The following ZNF317 variants were observed in gnomAD, a reference collection of about 807,000 sequenced individuals.
ZNF317 encodes zinc finger protein 317, also known as KRAB-containing zinc finger protein 317.
A neutral mutation model predicts 23.4 loss-of-function variants in ZNF317; 17 were observed. The observed-to-expected ratio is 0.73, with a 90% CI of 0.50 to 1.09. The LOEUF (loss-of-function observed/expected upper bound fraction) is 1.09, where lower values mean the gene tolerates loss of function less well. ZNF317 is among the 50% of genes least tolerant of loss of function. The pLI is 0.00. For missense variants in ZNF317, 679 were observed against 796.7 expected (o/e 0.85, Z 1.78); for synonymous variants, 317 against 314.9 (o/e 1.01, Z -0.07).
At chr19:9,156,867 A>C in intron 3 of ZNF317, 119 bp downstream of exon 3, 1 of 1,259,990 alleles carries the variant, frequency 7.9e-7, no homozygotes, top group South Asian at 1.5e-5. Context: ...AACAGGGCCC[A>C]AGAGAGAGCC....
intron 1 of ZNF317, 103 bp from the exon 2 acceptor site, chr19:9,155,822 C>G: frequency 1.6e-6 from 1 of 639,984 alleles, no homozygotes; most frequent in South Asian, 1.8e-5. Flanking sequence ...GATCTTGCTG[C>G]TCAAAAGAGG....
intron 4 of ZNF317, 52 bp from the exon 5 acceptor site, chr19:9,157,928 G>T (rs1003526119): frequency 6.5e-7 from 1 of 1,538,584 alleles, no homozygotes; most frequent in Non-Finnish European, 8.8e-7. Context: ...TACTGGAAGG[G>T]GTTGTCCTCT....
intron 6 of ZNF317, among the ~76,000 whole-genome samples, chr19:9,159,477 T>G (rs2050822601): frequency 6.6e-6 from 1 of 152,000 alleles, no homozygotes; most frequent in Non-Finnish European, 1.5e-5. Flanking sequence ...GCTGGGATTA[T>G]AGGCTTGAGC....
At chr19:9,151,349 A>G (rs143351698) in intron 1 of ZNF317, among the ~76,000 whole-genome samples, 69 of 152,336 alleles carry the variant, frequency 4.5e-4, no homozygotes, top group African/African-American at 1.6e-3. Flanking sequence ...TTCCTATATT[A>G]TTGTTTTGAA....
At position 9,157,307 on chromosome 19, in the gene ZNF317, GAGA is replaced by G; in HGVS notation, c.205_207del (p.Lys69del). The G allele has an allele frequency of 1.9e-6, 3 of 1,614,090 alleles. No individual in the cohort carries two copies. The highest frequency in any genetic ancestry group is 2.5e-6 in the Non-Finnish European group (3 of 1,180,000). On this transcript the variant is annotated inframe_deletion, in exon 4 of 7. Coordinates refer to ENST00000247956, the MANE Select transcript of ZNF317 (RefSeq NM_020933.5). The stretch of plus-strand genomic sequence containing the variant: ...CCAAGATGTCGCTGTGGACTTTACC[GAGA>G]AGGAGTGGCCCTTGCTGGATTCTTC...
chr19:9,146,301 G>T (rs1255571233), intron 1 of ZNF317, among the ~76,000 whole-genome samples: 2 of 151,562 alleles, frequency 1.3e-5, no homozygotes, highest in Admixed American at 6.6e-5. Context: ...TGAAAGGAGG[G>T]TATATTGATT....
At chr19:9,140,996 A>T (rs6511889) in intron 1 of ZNF317, among the ~76,000 whole-genome samples, 36,469 of 152,004 alleles carry the variant, frequency 0.24, 4,700 homozygotes, top group African/African-American at 0.34. Context: ...TGGTGTTCTT[A>T]TTAGCACTTA....
At position 9,160,163 on chromosome 19, in the gene ZNF317, A is replaced by G; in HGVS notation, c.518A>G (p.Glu173Gly). 1 of 1,614,146 alleles carries G rather than the reference A, an allele frequency of 6.2e-7. No individual in the cohort carries two copies. Among genetic ancestry groups the G allele is most frequent in the Non-Finnish European group, 8.5e-7 (1 of 1,180,026 alleles). ...TCCACTGAATACGCTCACTTGTTCG[A>G]AGTCTTTGGCATGGACCCTCATCTC... The part of the protein sequence containing the change: ...EKSTEYAHLF[E>G]VFGMDPHLTQ... The change falls in exon 7 of 7, where the codon GAA becomes GGA. Residue 173 changes from glutamate to glycine, a missense_variant. Coordinates refer to ENST00000247956, the MANE Select transcript of ZNF317 (RefSeq NM_020933.5). The surrounding 1 kb of genome is among the most constrained non-coding windows in gnomAD (Gnocchi z 6.8).
Position 9,156,752 on chromosome 19 carries a change from C to T in ZNF317, c.162+4C>T, listed in dbSNP as rs749552557. 3.1e-6 allele frequency: 5 copies of T among 1,613,004 alleles called. No homozygotes were observed. The African/African-American group carries it at 6.7e-5, about 22-fold the overall frequency. On this transcript the variant is annotated splice_donor_region_variant and intron_variant, in intron 3 of 6. Coordinates refer to ENST00000247956, the MANE Select transcript of ZNF317 (RefSeq NM_020933.5). The stretch of plus-strand genomic sequence containing the variant: ...CACACCCAGTGTTGGTTCCCAGGTG[C>T]ACTAAGATCTCTGGGTCCCTAGAGC...
intron 3 of ZNF317, chr19:9,157,002 G>A: frequency 1.6e-6 from 1 of 641,986 alleles, no homozygotes; most frequent in Non-Finnish European, 2.6e-6. Context: ...GGAAATAAAG[G>A]GCAAAGCTCT....
rs2050850769 is a variant in ZNF317 at position 9,161,137 on chromosome 19, G to C, written c.1492G>C (p.Val498Leu). ...SRRRHMSVHL[V>L]KKRVECRQCG... ...GCGGAGGCACATGAGCGTTCACCTT[G>C]TAAAGAAACGAGTTGAGTGTAGGCA... Residue 498 changes from valine (V) to leucine (L), a missense_variant, in exon 7 of 7, where the codon GTA becomes CTA. Val to Leu is a conservative substitution (Grantham distance 32). Coordinates refer to ENST00000247956, the MANE Select transcript of ZNF317 (RefSeq NM_020933.5). The surrounding 1 kb of genome is among the most constrained non-coding windows in gnomAD (Gnocchi z 4.0). 6.2e-7 allele frequency: 1 copy of C among 1,614,198 alleles called. No individual in the cohort carries two copies. The highest frequency in any genetic ancestry group is 8.5e-7 in the Non-Finnish European group (1 of 1,180,044).
intron 1 of ZNF317, among the ~76,000 whole-genome samples, chr19:9,147,453 G>A (rs924295989): frequency 6.7e-6 from 1 of 148,366 alleles, no homozygotes; most frequent in African/African-American, 2.5e-5. Context: ...CCATTCTCCT[G>A]CCTCAGCCTC....
rs1356918825 is a variant in ZNF317 at position 9,158,128 on chromosome 19, A to G, written c.385+53A>G. 5 of 1,515,166 alleles carry G rather than the reference A, an allele frequency of 3.3e-6. No individual in the cohort carries two copies. The South Asian group carries it at 3.8e-5, about 11-fold the overall frequency. The allele number at this position is 1,515,166 out of a possible 1,614,324, so 93.9% of individuals were successfully genotyped here. On this transcript the variant is annotated intron_variant, in intron 5 of 6. Coordinates refer to ENST00000247956, the MANE Select transcript of ZNF317 (RefSeq NM_020933.5). ...GCTGTGACTCTACCTCTATTCAGTG[A>G]CTGGGGTGGAGGGAGGTAGGTTAGG...
Position 9,162,884 on chromosome 19 carries a change from A to G in ZNF317, c.*1451A>G, listed in dbSNP as rs1189403564. ...GCACACGGATTGCGACCAGAGCATG[A>G]TGCCTCCATCAAGTGGTAATATGTT... On this transcript the variant is annotated 3_prime_UTR_variant, in exon 7 of 7. Transcript: ENST00000247956. 6.6e-6 allele frequency: 1 copy of G among 152,178 alleles called. No individual in the cohort carries two copies. Among genetic ancestry groups the G allele is most frequent in the Non-Finnish European group, 1.5e-5 (1 of 68,042 alleles). 9.4% of individuals were successfully genotyped at this position (152,178 alleles called of 1,614,324 possible). A position where few individuals can be genotyped will look rare whatever the true frequency, so the allele number is the denominator to read the frequency against.
intron 1 of ZNF317, among the ~76,000 whole-genome samples, chr19:9,155,055 G>T (rs1820052242): frequency 6.6e-6 from 1 of 150,750 alleles, no homozygotes; most frequent in African/African-American, 2.5e-5. Context: ...TGTTTTGAAG[G>T]AGTTCTTTTT....
In ZNF317 at chr19:9,158,369, T is replaced by TC. The variant is rs2050810131; in HGVS notation, c.385+294_385+295insC. Among the ~76,000 whole-genome samples the TC allele has an allele frequency of 9.5e-5, 7 of 73,990 alleles. No homozygotes were observed. In the South Asian group the frequency reaches 1.7e-3, roughly 17 times the overall value. The allele number at this position is 73,990 out of a possible 152,430, so 48.5% of individuals were successfully genotyped here. A position where few individuals can be genotyped will look rare whatever the true frequency, so the allele number is the denominator to read the frequency against. On this transcript the variant is annotated intron_variant, in intron 5 of 6. Transcript: ENST00000247956. ...TGCCTTAAATTTCTTTTTTCTTTTT[T>TC]TTTTTTTTTTTTTTTTTTTTTTGAC...
Position 9,160,332 on chromosome 19 carries a change from A to G in ZNF317, c.687A>G (p.Lys229=). ...TGCATGAATGTCATCAGTGCCAAAA[A>G]GCCTTCACCACGAGCGCGTCCCTCA... ...RKMHECHQCQ[K]AFTTSASLTR... Residue 229 remains lysine (K), a synonymous_variant, in exon 7 of 7, where the codon AAA becomes AAG. Transcript: ENST00000247956. The surrounding 1 kb of genome is among the most constrained non-coding windows in gnomAD (Gnocchi z 6.8). The G allele has an allele frequency of 1.9e-6, 3 of 1,614,204 alleles. No homozygotes were observed. The highest frequency in any genetic ancestry group is 2.5e-6 in the Non-Finnish European group (3 of 1,180,042).
intron 6 of ZNF317, among the ~76,000 whole-genome samples, chr19:9,159,545 G>GTTTTT (rs374750547): frequency 6.8e-6 from 1 of 146,726 alleles, no homozygotes. Context: ...TGTTGTTTTT[G>GTTTTT]TTTTTTGTTT....
chr19:9,161,307 G>A lies in ZNF317; in HGVS notation c.1662G>A (p.Gly554=). Residue 554 remains glycine (G), a synonymous_variant, in exon 7 of 7, where the codon GGG becomes GGA. Coordinates refer to ENST00000247956, the MANE Select transcript of ZNF317 (RefSeq NM_020933.5). The surrounding 1 kb of genome is among the most constrained non-coding windows in gnomAD (Gnocchi z 4.0). ...ATGTGCACAGGCGGATCCACACCGG[G>A]GAGAAGCCCTACGAATGCCTTGTCT... ...NLNVHRRIHT[G]EKPYECLVCG... 1.9e-6 allele frequency: 3 copies of A among 1,613,554 alleles called. No homozygotes were observed. Among genetic ancestry groups the A allele is most frequent in the Non-Finnish European group, 8.5e-7 (1 of 1,179,788 alleles).
Sources: allele counts gnomAD v4.1 joint callset (sites outside exome capture counted in the v4.1 genomes callset), GRCh38; gene constraint gnomAD v4.1.1; non-coding constraint Gnocchi (gnomAD v3.1); transcripts MANE v1.5; gene names NCBI Gene and HGNC (gene_info 2026-07-23, HGNC 2026-07-21).